Variants in ACP3 observed in about 807,000 individuals in gnomAD.
The protein encoded by ACP3 is prostatic acid phosphatase.
A neutral mutation model predicts 45.6 loss-of-function variants in ACP3; 38 were observed. The ratio of observed to expected loss-of-function variants is 0.83; its 90% CI spans 0.64 to 1.09. ACP3 has a LOEUF of 1.09. Ranked by LOEUF, ACP3 falls within the 50% of genes least tolerant of loss-of-function variation. The pLI is 0.00. For missense variants in ACP3, 466 were observed against 463.2 expected, an observed-to-expected ratio of 1.01 and a Z score of -0.05; for synonymous variants, 162 against 164.7, an observed-to-expected ratio of 0.98 and a Z score of 0.13.
intron 6 of ACP3, 106 bp downstream of exon 6, chr3:132,342,750 A>G: frequency 1.6e-6 from 1 of 626,766 alleles, no homozygotes; most frequent in South Asian, 2.5e-5. Context: ...TGAATGTATT[A>G]CTTATACTTC....
At chr3:132,319,746 G>T (rs576338050) in intron 1 of ACP3, among the ~76,000 whole-genome samples, 68 of 152,266 alleles carry the variant, frequency 4.5e-4, no homozygotes, top group African/African-American at 1.5e-3. Flanking sequence ...CTCTGACCCC[G>T]GATGCCTTTC....
intron 4 of ACP3, among the ~76,000 whole-genome samples, chr3:132,334,227 G>T (rs1937452579): frequency 6.6e-6 from 1 of 152,132 alleles, no homozygotes; most frequent in Admixed American, 6.6e-5. Context: ...GAGGAGGAAA[G>T]AAACAGGGAG....
intron 10 of ACP3, among the ~76,000 whole-genome samples, chr3:132,366,258 C>T (rs147569583): frequency 0.027 from 4,006 of 150,862 alleles, 97 homozygotes; most frequent in Non-Finnish European, 0.03. Context: ...CAAGATCATG[C>T]CACTGCACTC....
In ACP3 at chr3:132,357,454, C is replaced by T. The variant is rs1576428811; in HGVS notation, c.*576C>T. 21 of 985,180 alleles carry T rather than the reference C, an allele frequency of 2.1e-5. No homozygotes were observed. The highest frequency in any genetic ancestry group is 2.5e-5 in the Non-Finnish European group (21 of 829,852). 61.0% of individuals were successfully genotyped at this position (985,180 alleles called of 1,614,324 possible). A position where few individuals can be genotyped will look rare whatever the true frequency, so the allele number is the denominator to read the frequency against. ...TTCTCCACTGGAAAACTGCTACTAT[C>T]TGTTTTTATATTTCTGTTAAAATAT... is the stretch of plus-strand genomic sequence containing the variant. On this transcript the variant is annotated 3_prime_UTR_variant, in exon 10 of 10. Transcript: ENST00000336375.
Position 132,358,255 on chromosome 3 carries a change from T to C in ACP3, c.*1377T>C, listed in dbSNP as rs1306055910. 2.7e-6 allele frequency: 3 copies of C among 1,122,916 alleles called. No individual in the cohort carries two copies. Among genetic ancestry groups the C allele is most frequent in the Middle Eastern group, 3.8e-4 (1 of 2,658 alleles). 69.6% of individuals were successfully genotyped at this position (1,122,916 alleles called of 1,614,324 possible). ...AAAAAAAGGAAGGAAGGGACACATA[T>C]CAAACTGAAACAAAATTAGAAATGT... is the stretch of plus-strand genomic sequence containing the variant. On this transcript the variant is annotated 3_prime_UTR_variant, in exon 10 of 10. Transcript: ENST00000336375.
In ACP3 at chr3:132,341,539, G is replaced by A. The variant is rs149700561; in HGVS notation, c.556-1013G>A. Among the ~76,000 whole-genome samples the A allele has an allele frequency of 1.7e-3, 266 of 152,160 alleles. 2 individuals carry two copies. Among genetic ancestry groups the A allele is most frequent in the African/African-American group, 6.0e-3 (250 of 41,514 alleles). On this transcript the variant is annotated intron_variant, in intron 5 of 9. Transcript: ENST00000336375. ...TTATTTTACTTACACCTTTTGCATT[G>A]ATATTTACAAGTGGCATTGAACTAA...
At chr3:132,328,392 G>A (rs748159027) in intron 2 of ACP3, 30 bp downstream of exon 2, 2 of 1,584,780 alleles carry the variant, frequency 1.3e-6, no homozygotes, top group Non-Finnish European at 1.7e-6. Flanking sequence ...AAAGATTGTT[G>A]ATGAAGCTGG....
At chr3:132,345,784 C>T (rs1447730162) in intron 7 of ACP3, among the ~76,000 whole-genome samples, 2 of 152,054 alleles carry the variant, frequency 1.3e-5, no homozygotes, top group Admixed American at 1.3e-4. Flanking sequence ...TTCTTGTAAT[C>T]AGGATAAGTG....
intron 9 of ACP3, among the ~76,000 whole-genome samples, chr3:132,355,971 T>C (rs1405499520): frequency 6.6e-6 from 1 of 152,212 alleles, no homozygotes; most frequent in African/African-American, 2.4e-5. Flanking sequence ...CCCTCCTGAC[T>C]CCTTGATTAG....
intron 1 of ACP3, among the ~76,000 whole-genome samples, chr3:132,320,542 T>C (rs1450747850): frequency 1.3e-5 from 2 of 152,136 alleles, no homozygotes; most frequent in African/African-American, 4.8e-5. Context: ...CCATCTCATT[T>C]CACCGGTGTT....
intron 1 of ACP3, among the ~76,000 whole-genome samples, chr3:132,324,470 G>A (rs1025057886): frequency 7.9e-5 from 12 of 152,046 alleles, no homozygotes; most frequent in African/African-American, 2.7e-4. Context: ...TGAGAATTAG[G>A]AGATCTGGAC....
chr3:132,332,432 G>A, intron 4 of ACP3, 88 bp downstream of exon 4: 1 of 1,415,964 alleles, frequency 7.1e-7, no homozygotes, highest in Non-Finnish European at 9.9e-7. Flanking sequence ...TGGGAGTCTG[G>A]ACACTCCTTG....
chr3:132,318,856 C>T (rs1411285248), intron 1 of ACP3, among the ~76,000 whole-genome samples: 5 of 152,136 alleles, frequency 3.3e-5, no homozygotes, highest in African/African-American at 1.2e-4. Context: ...TACTGTAAAC[C>T]TGTGACAAGC....
chr3:132,328,278 T>C lies in ACP3; in HGVS notation c.132T>C (p.His44=). Residue 44 remains histidine, a synonymous_variant, in exon 2 of 10, where the codon CAT becomes CAC. Coordinates refer to ENST00000336375, the MANE Select transcript of ACP3 (RefSeq NM_001099.5). ...ACATCTACTTTCAGGTGTTTCGGCATGGAGACCGAAGTCCCATTGACACCT... is the reference window on the plus strand; with the variant it reads ...ACATCTACTTTCAGGTGTTTCGGCACGGAGACCGAAGTCCCATTGACACCT... ...ELKFVTLVFR[H]GDRSPIDTFP... 1.2e-6 allele frequency: 2 copies of C among 1,613,742 alleles called. No homozygotes were observed.
chr3:132,334,426 T>A (rs902338905), intron 4 of ACP3, among the ~76,000 whole-genome samples: 1 of 152,222 alleles, frequency 6.6e-6, no homozygotes, highest in Admixed American at 6.5e-5. Flanking sequence ...GTTTTTCTAA[T>A]TTATAGTTTG....
Position 132,357,212 on chromosome 3 carries a change from G to T in ACP3, c.*334G>T. ...GCCACACAGGATCTTTTGTATTTAA[G>T]GATTCTGAGATTTTGCTTGAGCAGG... is the stretch of plus-strand genomic sequence containing the variant. On this transcript the variant is annotated 3_prime_UTR_variant, in exon 10 of 10. Transcript: ENST00000336375. 9.9e-7 allele frequency: 1 copy of T among 1,008,172 alleles called. No homozygotes were observed. The highest frequency in any genetic ancestry group is 1.2e-6 in the Non-Finnish European group (1 of 844,908). The allele number at this position is 1,008,172 out of a possible 1,614,324, so 62.5% of individuals were successfully genotyped here. A position where few individuals can be genotyped will look rare whatever the true frequency, so the allele number is the denominator to read the frequency against.
intron 5 of ACP3, among the ~76,000 whole-genome samples, chr3:132,340,315 CAAA>C (rs77702139): frequency 0.016 from 1,272 of 77,448 alleles, 23 homozygotes; most frequent in African/African-American, 0.062. Flanking sequence ...AATTCCGTCT[CAAA>C]AAAAAAAAAA....
downstream of ACP3, chr3:132,358,961 A>G (rs1324446085): frequency 2.3e-6 from 2 of 874,890 alleles, no homozygotes; most frequent in African/African-American, 1.8e-5. Flanking sequence ...TTTGGACTTT[A>G]CCACTTCAGA....
At chr3:132,367,775 A>G (rs1412142586) in exon 11 of ACP3, 3 of 1,613,642 alleles carry the variant, frequency 1.9e-6, no homozygotes, top group Non-Finnish European at 2.5e-6. Flanking sequence ...GTTTATCCAC[A>G]TTCGCCGTGG....
Sources: allele counts gnomAD v4.1 joint callset (sites outside exome capture counted in the v4.1 genomes callset), GRCh38; gene constraint gnomAD v4.1.1; transcripts MANE v1.5; gene names NCBI Gene and HGNC (gene_info 2026-07-23, HGNC 2026-07-21).